The following OBI1 variants were observed in gnomAD, a reference collection of about 807,000 sequenced individuals.
OBI1 encodes the protein ring finger protein 219.
In OBI1, 59 loss-of-function variants were observed where a neutral mutation model predicts 62.4. The observed-to-expected ratio is 0.95, with a 90% CI of 0.77 to 1.17. OBI1 has a LOEUF of 1.17. Among genes scored for constraint, OBI1 ranks in the 50% most tolerant of loss-of-function variants. The probability of loss-of-function intolerance (pLI) is 0.00; values close to 1 mark genes in which losing one functional copy is unlikely to be tolerated. For synonymous variants in OBI1, 302 were observed against 292.8 expected, an observed-to-expected ratio of 1.03 and a Z score of -0.32; for missense variants, 875 against 830.9, an observed-to-expected ratio of 1.05 and a Z score of -0.65.
chr13:78,639,218 G>C, intron 3 of OBI1, 147 bp from the exon 4 acceptor site: 6 of 771,656 alleles, frequency 7.8e-6, no homozygotes, highest in Non-Finnish European at 1.2e-5. Context: ...GTTTTGCAGG[G>C]AGAAAGTCAC....
In OBI1 at chr13:78,659,087, GCGACAA is replaced by G; in HGVS notation, c.28_33del (p.Ser11_Leu12del). 1 of 1,612,860 alleles carries G rather than the reference GCGACAA, an allele frequency of 6.2e-7. No homozygotes were observed. Among genetic ancestry groups the G allele is most frequent in the Non-Finnish European group, 8.5e-7 (1 of 1,179,750 alleles). On this transcript the variant is annotated inframe_deletion, in exon 1 of 6. Transcript: ENST00000282003. ...ATGTGGCACGTGATGGGCAGAGTGA[GCGACAA>G]TGTAACATTCTGCACGGTCTGAGCC... is the stretch of plus-strand genomic sequence containing the variant.
Position 78,642,168 on chromosome 13 carries a change from T to A in OBI1, c.254A>T (p.Lys85Met), listed in dbSNP as rs781417275. The A allele has an allele frequency of 6.2e-7, 1 of 1,611,322 alleles. No individual in the cohort carries two copies. Among genetic ancestry groups the A allele is most frequent in the Non-Finnish European group, 8.5e-7 (1 of 1,177,694 alleles). The change falls in exon 3 of 6, where the codon AAG becomes ATG. Residue 85 changes from lysine to methionine, a missense_variant. Lys to Met is a moderately conservative substitution (Grantham distance 95). Coordinates refer to ENST00000282003, the MANE Select transcript of OBI1 (RefSeq NM_024546.4). ...SEPMLSHTVRKHLRKTRLELL... is the reference protein window; with the variant it reads ...SEPMLSHTVRMHLRKTRLELL... ...TTCAAGTCTAGTTTTCCGAAGATGC[T>A]TCCTGACCGTATGGCTTAGCATAGG...
intron 5 of OBI1, among the ~76,000 whole-genome samples, chr13:78,618,209 T>C (rs1206767080): frequency 6.6e-6 from 1 of 152,170 alleles, no homozygotes; most frequent in Non-Finnish European, 1.5e-5. Flanking sequence ...TCAAAGCCTA[T>C]TCTTAATCAT....
chr13:78,637,343 TG>T (rs1466512509), intron 4 of OBI1, among the ~76,000 whole-genome samples: 1 of 152,214 alleles, frequency 6.6e-6, no homozygotes, highest in African/African-American at 2.4e-5. Context: ...GCATAGAAAA[TG>T]GGCTTATTCA....
In OBI1 at chr13:78,659,121, G is replaced by A. The variant is rs201978864; in HGVS notation, c.-1C>T. On this transcript the variant is annotated 5_prime_UTR_variant, in exon 1 of 6. Coordinates refer to ENST00000282003, the MANE Select transcript of OBI1 (RefSeq NM_024546.4). ...TAACATTCTGCACGGTCTGAGCCAT[G>A]GCAGCGTTCAGAATCCCGCCAACAC... is the stretch of plus-strand genomic sequence containing the variant. 442 of 1,610,768 alleles carry A rather than the reference G, an allele frequency of 2.7e-4. 1 individual carries two copies. Among genetic ancestry groups the A allele is most frequent in the Non-Finnish European group, 1.9e-4 (225 of 1,178,736 alleles).
intron 5 of OBI1, among the ~76,000 whole-genome samples, chr13:78,625,719 C>T (rs1875646517): frequency 1.3e-5 from 2 of 152,234 alleles, no homozygotes. Context: ...GGCCTGAGCA[C>T]AACTGGCTGT....
At chr13:78,645,969 C>G (rs971142206) in intron 1 of OBI1, among the ~76,000 whole-genome samples, 1 of 152,080 alleles carries the variant, frequency 6.6e-6, no homozygotes, top group Non-Finnish European at 1.5e-5. Flanking sequence ...ATTTTACAAA[C>G]GGCTTTCACA....
chr13:78,651,424 A>T lies in OBI1; in HGVS notation c.73-6427T>A, dbSNP rs528903659. 2.5e-4 allele frequency among the ~76,000 whole-genome samples: 38 copies of T among 152,308 alleles called. 1 individual carries two copies. In the South Asian group the frequency reaches 5.6e-3, roughly 22 times the overall value. ...TTCAAAGAACATAATCTAATTCTTA[A>T]ACAGCCATTTCCCTTGACCTACCAT... On this transcript the variant is annotated intron_variant, in intron 1 of 5. Transcript: ENST00000282003.
chr13:78,628,553 CTG>C (rs1875750549), intron 5 of OBI1, among the ~76,000 whole-genome samples: 1 of 152,112 alleles, frequency 6.6e-6, no homozygotes, highest in African/African-American at 2.4e-5. Flanking sequence ...TCTAGTAGAA[CTG>C]GAGTAGGATG....
At chr13:78,624,967 C>T (rs1199670526) in intron 5 of OBI1, among the ~76,000 whole-genome samples, 1 of 152,224 alleles carries the variant, frequency 6.6e-6, no homozygotes, top group Admixed American at 6.5e-5. Flanking sequence ...CTAAGTACTA[C>T]TTTCTCTGCA....
intron 5 of OBI1, among the ~76,000 whole-genome samples, chr13:78,630,523 T>A (rs1257695342): frequency 6.6e-6 from 1 of 152,110 alleles, no homozygotes. Context: ...CCTAAAGTGA[T>A]GGTATTTGGG....
At chr13:78,641,463 CCTT>C (rs1187373444) in intron 3 of OBI1, among the ~76,000 whole-genome samples, 1 of 152,136 alleles carries the variant, frequency 6.6e-6, no homozygotes, top group African/African-American at 2.4e-5. Context: ...ATCGATATCT[CCTT>C]CTTCAGTCAA....
At chr13:78,635,920 G>A (rs2137448851) in intron 4 of OBI1, among the ~76,000 whole-genome samples, 1 of 152,144 alleles carries the variant, frequency 6.6e-6, no homozygotes, top group East Asian at 1.9e-4. Flanking sequence ...GTGCCACCAT[G>A]CCCAGCTAAT....
chr13:78,641,964 G>T (rs1876229114), intron 3 of OBI1, among the ~76,000 whole-genome samples, 158 bp downstream of exon 3: 1 of 138,352 alleles, frequency 7.2e-6, no homozygotes, highest in Admixed American at 7.0e-5. Flanking sequence ...AATACGAAAG[G>T]AAAAAAGAAA....
At chr13:78,631,685 GACA>G (rs999694383) in intron 5 of OBI1, among the ~76,000 whole-genome samples, 2 of 152,210 alleles carry the variant, frequency 1.3e-5, no homozygotes, top group Non-Finnish European at 2.9e-5. Flanking sequence ...GCATTTTCTG[GACA>G]ACGAGTTTGG....
At chr13:78,617,567 T>C (rs1875354312) in intron 5 of OBI1, among the ~76,000 whole-genome samples, 1 of 152,250 alleles carries the variant, frequency 6.6e-6, no homozygotes, top group Admixed American at 6.5e-5. Flanking sequence ...ACATTTCTTA[T>C]ATAATGTCAC....
chr13:78,635,143 A>G lies in OBI1; in HGVS notation c.605T>C (p.Leu202Pro), dbSNP rs1001758099. The G allele has an allele frequency of 1.2e-6, 2 of 1,610,950 alleles. No individual in the cohort carries two copies. Among genetic ancestry groups the G allele is most frequent in the African/African-American group, 2.7e-5 (2 of 74,830 alleles). ...NGGLVRENLR[L>P]KAEVDNRSPQ... ...TGATCTGTTATCAACTTCAGCCTTC[A>G]GTCGTAAATTCTCCCTCACCAGACC... Residue 202 changes from leucine (L) to proline (P), a missense_variant, in exon 5 of 6, where the codon CTG (leucine) becomes CCG (proline). Coordinates refer to ENST00000282003, the MANE Select transcript of OBI1 (RefSeq NM_024546.4).
At chr13:78,633,966 C>CT (rs1270853232) in intron 5 of OBI1, among the ~76,000 whole-genome samples, 1 of 151,732 alleles carries the variant, frequency 6.6e-6, no homozygotes, top group African/African-American at 2.4e-5. Flanking sequence ...ATTCGGGAGG[C>CT]TGAGGCAGGA....
chr13:78,646,268 T>C (rs1413444861), intron 1 of OBI1, among the ~76,000 whole-genome samples: 1 of 152,194 alleles, frequency 6.6e-6, no homozygotes, highest in Non-Finnish European at 1.5e-5. Flanking sequence ...GGAAACTCCA[T>C]GAGAGCAAGA....
Sources: gnomAD v4.1 joint callset for allele counts (sites outside exome capture counted in the v4.1 genomes callset) on GRCh38, gnomAD v4.1.1 for gene constraint, MANE v1.5 for transcripts, NCBI Gene and HGNC (gene_info 2026-07-23, HGNC 2026-07-21) for gene names.